Variants in SPNS1 observed in about 807,000 individuals in gnomAD.
SPNS1 encodes the protein SPNS lysolipid transporter 1, lysophospholipid.
In SPNS1, 22 loss-of-function variants were observed where a neutral mutation model predicts 50.3. The ratio of observed to expected loss-of-function variants is 0.44; its 90% CI spans 0.31 to 0.62. The LOEUF (loss-of-function observed/expected upper bound fraction) is 0.62, where lower values mean the gene tolerates loss of function less well. SPNS1 is among the 20% of genes least tolerant of loss of function. SPNS1 has a pLI of 0.07. For missense variants in SPNS1, 576 were observed against 728.6 expected (o/e 0.79, Z 2.41); for synonymous variants, 295 against 317.4 (o/e 0.93, Z 0.75).
At position 28,984,293 on chromosome 16, in the gene SPNS1, C is replaced by A. The variant is rs368314043; in HGVS notation, c.1581C>A (p.Leu527=). 5.0e-6 allele frequency: 8 copies of A among 1,612,156 alleles called. No homozygotes were observed. The highest frequency in any genetic ancestry group is 6.8e-6 in the Non-Finnish European group (8 of 1,179,888). ...RSTRVPVASV[L]I ...CCCGCGTGCCCGTGGCCAGTGTGCT[C>A]ATCTGAGAGGCTGCCGCTCACCTAC... is the stretch of plus-strand genomic sequence containing the variant. The change falls in exon 12 of 12, where the codon CTC becomes CTA. Residue 527 remains leucine, a synonymous_variant. Transcript: ENST00000311008.
chr16:28,974,906 G>T lies in SPNS1; in HGVS notation c.-246G>T, dbSNP rs760047472. ...CGTGGGATCGTGCCCTCTTCAGCCC[G>T]CTCCTGTCCCCGACATCACGTGTAT... On this transcript the variant is annotated 5_prime_UTR_variant, in exon 1 of 12. Coordinates refer to ENST00000311008, the MANE Select transcript of SPNS1 (RefSeq NM_032038.3). The T allele has an allele frequency of 2.0e-5, 30 of 1,524,162 alleles. No homozygotes were observed. The South Asian group carries it at 3.6e-4, about 18-fold the overall frequency. The allele number at this position is 1,524,162 out of a possible 1,614,324, so 94.4% of individuals were successfully genotyped here.
rs752495360 is a variant in SPNS1 at position 28,984,354 on chromosome 16, C to A, written c.*55C>A. The A allele has an allele frequency of 6.5e-7, 1 of 1,545,606 alleles. No homozygotes were observed. Among genetic ancestry groups the A allele is most frequent in the Non-Finnish European group, 8.8e-7 (1 of 1,132,294 alleles). Reference sequence around the variant, plus strand: ...GCCACAGCTGGCCCTGGGCCCACCCCACGAAGGGCCTGGGCCTAACCCCTT... The same window carrying A: ...GCCACAGCTGGCCCTGGGCCCACCCAACGAAGGGCCTGGGCCTAACCCCTT... On this transcript the variant is annotated 3_prime_UTR_variant, in exon 12 of 12. Transcript: ENST00000311008.
At chr16:28,980,511 A>G (rs1825147524) in intron 5 of SPNS1, 1 of 151,920 alleles carries the variant, frequency 6.6e-6, no homozygotes, top group African/African-American at 2.4e-5. Context: ...GCCATGTGCT[A>G]GACAGAATTC....
At position 28,975,120 on chromosome 16, in the gene SPNS1, C is replaced by A. The variant is rs1567519631; in HGVS notation, c.-32C>A. ...TCGCAGGTGGGATCGTCGGTGGGACCGGAGCGCGGGCGGGCGCGGCCCCCC... is the reference window on the plus strand; with the variant it reads ...TCGCAGGTGGGATCGTCGGTGGGACAGGAGCGCGGGCGGGCGCGGCCCCCC... On this transcript the variant is annotated 5_prime_UTR_variant, in exon 1 of 12. Transcript: ENST00000311008. 3 of 1,467,592 alleles carry A rather than the reference C, an allele frequency of 2.0e-6. No individual in the cohort carries two copies. The highest frequency in any genetic ancestry group is 1.4e-5 in the African/African-American group (1 of 70,546). 90.9% of individuals were successfully genotyped at this position (1,467,592 alleles called of 1,614,324 possible). A position where few individuals can be genotyped will look rare whatever the true frequency, so the allele number is the denominator to read the frequency against.
At chr16:28,975,649 A>T in intron 2 of SPNS1, 92 bp downstream of exon 2, 1 of 1,453,388 alleles carries the variant, frequency 6.9e-7, no homozygotes, top group Non-Finnish European at 9.6e-7. Context: ...GGGCTCATTA[A>T]TGGAGGTTTT....
At chr16:28,977,790 G>T (rs367776691) in intron 2 of SPNS1, 118 bp from the exon 3 acceptor site, 12 of 1,292,840 alleles carry the variant, frequency 9.3e-6, no homozygotes, top group East Asian at 4.8e-5. Context: ...GGATGTGGGG[G>T]TGTTGTGAAT....
chr16:28,981,601 G>A lies in SPNS1; in HGVS notation c.795G>A (p.Arg265=). 1.9e-6 allele frequency: 3 copies of A among 1,614,052 alleles called. No homozygotes were observed. The highest frequency in any genetic ancestry group is 2.2e-5 in the East Asian group (1 of 44,878). ...CCACCTCGTGGTGGGCAGATCTGAG[G>A]GCTCTGGCAAGAAAGTGAGTTTATT... ...LNPTSWWADL[R]ALARNPSFVL... is the part of the protein sequence containing the mutation. The change falls in exon 6 of 12, where the codon AGG becomes AGA. Residue 265 remains arginine (R), a synonymous_variant. Transcript: ENST00000311008. The surrounding 1 kb of genome is among the most constrained non-coding windows in gnomAD (Gnocchi z 4.2).
chr16:28,975,027 C>A lies in SPNS1; in HGVS notation c.-125C>A. ...GTGGTGCTCTGTGCTTCAGGGCAAG[C>A]TCCCCGTCTCCGGGCGCACTTCCCT... On this transcript the variant is annotated 5_prime_UTR_variant, in exon 1 of 12. Coordinates refer to ENST00000311008, the MANE Select transcript of SPNS1 (RefSeq NM_032038.3). 1.7e-5 allele frequency: 24 copies of A among 1,430,806 alleles called. No homozygotes were observed. The highest frequency in any genetic ancestry group is 2.2e-5 in the Non-Finnish European group (24 of 1,096,422). The allele number at this position is 1,430,806 out of a possible 1,614,324, so 88.6% of individuals were successfully genotyped here. A position where few individuals can be genotyped will look rare whatever the true frequency, so the allele number is the denominator to read the frequency against.
chr16:28,984,014 C>G, intron 11 of SPNS1, 57 bp downstream of exon 11: 1 of 1,515,100 alleles, frequency 6.6e-7, no homozygotes, highest in Non-Finnish European at 8.8e-7. Context: ...GTCTGTCCAT[C>G]TGTCTGCCCA....
Position 28,981,427 on chromosome 16 carries a change from T to A in SPNS1, c.664-43T>A. The A allele has an allele frequency of 1.2e-6, 2 of 1,611,610 alleles. No individual in the cohort carries two copies. Among genetic ancestry groups the A allele is most frequent in the Non-Finnish European group, 1.7e-6 (2 of 1,178,524 alleles). On this transcript the variant is annotated intron_variant, in intron 5 of 11. Coordinates refer to ENST00000311008, the MANE Select transcript of SPNS1 (RefSeq NM_032038.3). This position sits in a 1 kb window ranked among gnomAD's most constrained non-coding sequence, Gnocchi z 4.2. ...ACTCTCCTCCAGCCCAGGGCTTGAG[T>A]GTGTCTCTCCCTGTGCCTATCCTGA...
chr16:28,974,814 G>A lies in SPNS1; in HGVS notation c.-338G>A. 6.5e-7 allele frequency: 1 copy of A among 1,535,736 alleles called. No individual in the cohort carries two copies. Among genetic ancestry groups the A allele is most frequent in the Non-Finnish European group, 8.7e-7 (1 of 1,146,592 alleles). ...TTTAAGCAACATGGCGGCTGCCGTG[G>A]TGCAGCGCCCGGGCTGAGCGACAGC... On this transcript the variant is annotated 5_prime_UTR_variant, in exon 1 of 12. The change creates a new upstream start codon in the 5' untranslated region. Transcript: ENST00000311008.
chr16:28,977,783 T>G, intron 2 of SPNS1, 125 bp from the exon 3 acceptor site: 11 of 1,197,046 alleles, frequency 9.2e-6, no homozygotes, highest in Non-Finnish European at 1.3e-5. Context: ...CAGGCTGGGA[T>G]GTGGGGGTGT....
In SPNS1 at chr16:28,981,798, G is replaced by GT. The variant is rs1965562688; in HGVS notation, c.810-102dup. Reference sequence around the variant, plus strand: ...TGGGAGCCAGAACCACCTCTGCACGGTGTTGTGACCTTACTAAAATAAGCC... The same window carrying GT: ...TGGGAGCCAGAACCACCTCTGCACGGTTGTTGTGACCTTACTAAAATAAGCC... On this transcript the variant is annotated intron_variant, in intron 6 of 11. Coordinates refer to ENST00000311008, the MANE Select transcript of SPNS1 (RefSeq NM_032038.3). The surrounding 1 kb of genome is among the most constrained non-coding windows in gnomAD (Gnocchi z 4.2). 6.5e-6 allele frequency: 10 copies of GT among 1,533,964 alleles called. No homozygotes were observed. The highest frequency in any genetic ancestry group is 8.9e-6 in the Non-Finnish European group (10 of 1,122,548).
intron 5 of SPNS1, chr16:28,979,794 A>C (rs780256645): frequency 3.3e-6 from 1 of 298,708 alleles, no homozygotes; most frequent in South Asian, 3.1e-5. Flanking sequence ...AGGCTGAGGC[A>C]GGTGGATCAC....
At chr16:28,978,852 C>T (rs1965435380) in intron 3 of SPNS1, 3 of 330,886 alleles carry the variant, frequency 9.1e-6, no homozygotes, top group South Asian at 5.7e-5. Context: ...AAACTTTCCC[C>T]TACCAGGCAA....
At chr16:28,982,645 C>A in intron 8 of SPNS1, 100 bp downstream of exon 8, 1 of 1,382,018 alleles carries the variant, frequency 7.2e-7, no homozygotes, top group Non-Finnish European at 9.9e-7. Flanking sequence ...TTTTGAATCA[C>A]AGCTCTGGCT....
chr16:28,982,894 A>G lies in SPNS1; in HGVS notation c.1193A>G (p.Asn398Ser), dbSNP rs1302225689. 1 of 1,613,792 alleles carries G rather than the reference A, an allele frequency of 6.2e-7. No individual in the cohort carries two copies. ...IFIGETLLSM[N>S]WAIVADILLY... ...ATTGGAGAGACCCTCCTGTCCATGA[A>G]CTGGGCCATCGTGGCCGACATTCTG... Residue 398 changes from asparagine (N) to serine (S), a missense_variant, in exon 9 of 12, where the codon AAC (asparagine) becomes AGC (serine). This residue lies in a region of SPNS1 where 428 missense variants were observed against 520.1 expected (regional missense o/e 0.82). Coordinates refer to ENST00000311008, the MANE Select transcript of SPNS1 (RefSeq NM_032038.3).
chr16:28,979,564 T>A, intron 5 of SPNS1, 93 bp downstream of exon 5: 1 of 1,379,406 alleles, frequency 7.2e-7, no homozygotes, highest in Non-Finnish European at 1.0e-6. Context: ...CCATTTTTCT[T>A]TTAAGAGACA....
Position 28,975,577 on chromosome 16 carries a change from G to A in SPNS1, c.307+20G>A. Reference sequence around the variant, plus strand: ...AGACCGGTGAGTGGGGACCACTCCTGGTCACACAGCCGCTCCTCCTTCTGT... The same window carrying A: ...AGACCGGTGAGTGGGGACCACTCCTAGTCACACAGCCGCTCCTCCTTCTGT... On this transcript the variant is annotated intron_variant, in intron 2 of 11. Transcript: ENST00000311008. 2 of 1,612,746 alleles carry A rather than the reference G, an allele frequency of 1.2e-6. No individual in the cohort carries two copies. The highest frequency in any genetic ancestry group is 1.7e-6 in the Non-Finnish European group (2 of 1,178,788).
Sources: allele counts gnomAD v4.1 joint callset, GRCh38; gene constraint gnomAD v4.1.1; regional missense constraint gnomAD v4.1.1; non-coding constraint Gnocchi (gnomAD v3.1); transcripts MANE v1.5; gene names NCBI Gene and HGNC (gene_info 2026-07-23, HGNC 2026-07-21).